The following CSMD1 variants were observed in gnomAD, a reference collection of about 807,000 sequenced individuals.
CSMD1 encodes CUB and Sushi multiple domains 1, also known as CUB and sushi domain-containing protein 1.
A neutral mutation model predicts 417.5 loss-of-function variants in CSMD1; 213 were observed. The observed-to-expected ratio is 0.51, with a 90% CI of 0.46 to 0.57. The LOEUF (loss-of-function observed/expected upper bound fraction) is 0.57, where lower values mean the gene tolerates loss of function less well. Ranked by LOEUF, CSMD1 falls within the 20% of genes least tolerant of loss-of-function variation. CSMD1 has a pLI of 0.00. For missense variants in CSMD1, 6,923 were observed against 4,529.7 expected (o/e 1.53, Z -15.17); for synonymous variants, 2,862 against 1,736.8 (o/e 1.65, Z -16.11).
intron 23 of CSMD1, among the ~76,000 whole-genome samples, chr8:3,341,404 G>A (rs746295125): frequency 9.9e-5 from 15 of 152,146 alleles, no homozygotes; most frequent in Non-Finnish European, 1.9e-4. Context: ...GCATCACCAT[G>A]AGAAAATGAG....
intron 10 of CSMD1, among the ~76,000 whole-genome samples, chr8:3,527,461 A>G (rs969356335): frequency 1.3e-5 from 2 of 152,168 alleles, no homozygotes; most frequent in Non-Finnish European, 2.9e-5. Context: ...TGTGTGGGCG[A>G]GGGTGGGATG....
At position 4,811,691 on chromosome 8, in the gene CSMD1, C is replaced by G. The variant is rs146843610; in HGVS notation, c.86-174133G>C. Reference sequence around the variant, plus strand: ...TGATTTCTATTGGCTCATTGAGTCACAGAAATAAGAAAAAAAATGAATACT... The same window carrying G: ...TGATTTCTATTGGCTCATTGAGTCAGAGAAATAAGAAAAAAAATGAATACT... On this transcript the variant is annotated intron_variant, in intron 1 of 69. Transcript: ENST00000635120. 6.6e-3 allele frequency among the ~76,000 whole-genome samples: 995 copies of G among 151,840 alleles called. 9 individuals are homozygous for G. The highest frequency in any genetic ancestry group is 0.023 in the African/African-American group (960 of 41,376).
chr8:4,386,772 G>T (rs1027584396), intron 3 of CSMD1, among the ~76,000 whole-genome samples: 1 of 152,128 alleles, frequency 6.6e-6, no homozygotes, highest in Non-Finnish European at 1.5e-5. Context: ...GAAACAGTTG[G>T]TTTCAGTTGA....
chr8:4,841,882 G>C (rs956561363), intron 1 of CSMD1, among the ~76,000 whole-genome samples: 3 of 110,920 alleles, frequency 2.7e-5, no homozygotes, highest in African/African-American at 1.1e-4. Context: ...TTGCACTCTA[G>C]CCGGGGCAAC....
intron 3 of CSMD1, among the ~76,000 whole-genome samples, chr8:4,314,620 CA>C (rs1798816819): frequency 1.3e-5 from 2 of 152,084 alleles, no homozygotes; most frequent in Middle Eastern, 3.2e-3. Flanking sequence ...CACACACACA[CA>C]CACACAAAAG....
intron 5 of CSMD1, among the ~76,000 whole-genome samples, chr8:3,955,982 T>G (rs1341186039): frequency 1.3e-5 from 2 of 152,084 alleles, no homozygotes; most frequent in Admixed American, 1.3e-4. Context: ...TTTAGTAGAG[T>G]CAGGGTTTCA....
intron 1 of CSMD1, among the ~76,000 whole-genome samples, chr8:4,870,129 C>G (rs1442075343): frequency 6.6e-6 from 1 of 152,036 alleles, no homozygotes; most frequent in Non-Finnish European, 1.5e-5. Flanking sequence ...TTCAGTTAAT[C>G]TAATTACATA....
At position 4,360,084 on chromosome 8, in the gene CSMD1, A is replaced by G. The variant is rs111891308; in HGVS notation, c.415+59869T>C. 8.8e-3 allele frequency among the ~76,000 whole-genome samples: 1,334 copies of G among 152,176 alleles called. 14 individuals carry two copies. Among genetic ancestry groups the G allele is most frequent in the African/African-American group, 0.031 (1,286 of 41,508 alleles). The stretch of plus-strand genomic sequence containing the variant: ...CTCTGACCGCCTGGGATCTCGGACA[A>G]GTTACTTAACATATCTGTATGTCTG... On this transcript the variant is annotated intron_variant, in intron 3 of 69. Transcript: ENST00000635120.
At chr8:3,590,748 G>A (rs1003511495) in intron 8 of CSMD1, among the ~76,000 whole-genome samples, 13 of 152,170 alleles carry the variant, frequency 8.5e-5, no homozygotes, top group Non-Finnish European at 1.5e-4. Flanking sequence ...CGCCATTCCA[G>A]CAGCACAGCC....
chr8:3,824,892 T>A (rs542452189), intron 5 of CSMD1, among the ~76,000 whole-genome samples: 25 of 152,228 alleles, frequency 1.6e-4, no homozygotes, highest in Non-Finnish European at 3.5e-4. Context: ...AAAATGAGAA[T>A]TGTAAAGATT....
chr8:4,316,684 G>T (rs1363003433), intron 3 of CSMD1, among the ~76,000 whole-genome samples: 1 of 151,992 alleles, frequency 6.6e-6, no homozygotes, highest in Non-Finnish European at 1.5e-5. Flanking sequence ...CAAACTAAGG[G>T]GGGGGCTTCC....
chr8:4,635,959 A>T (rs1802789665), intron 2 of CSMD1, among the ~76,000 whole-genome samples: 1 of 152,076 alleles, frequency 6.6e-6, no homozygotes, highest in Admixed American at 6.6e-5. Flanking sequence ...AAAAAAAACT[A>T]GGTGTTTGAA....
At chr8:4,533,466 G>C (rs748349745) in intron 2 of CSMD1, among the ~76,000 whole-genome samples, 4 of 152,190 alleles carry the variant, frequency 2.6e-5, no homozygotes, top group Non-Finnish European at 5.9e-5. Flanking sequence ...CAGAGGCCTA[G>C]ATCCTCCTAT....
chr8:4,775,979 G>C (rs1425390438), intron 1 of CSMD1, among the ~76,000 whole-genome samples: 3 of 152,104 alleles, frequency 2.0e-5, no homozygotes, highest in Admixed American at 2.0e-4. Context: ...TGAGACGGAG[G>C]GAACAGCAAC....
At chr8:3,421,317 G>A (rs905155808) in intron 12 of CSMD1, among the ~76,000 whole-genome samples, 2 of 152,206 alleles carry the variant, frequency 1.3e-5, no homozygotes, top group Admixed American at 6.5e-5. Context: ...TATAGGACGA[G>A]AAGGACTGCT....
At chr8:3,482,149 A>G (rs1817783326) in intron 11 of CSMD1, among the ~76,000 whole-genome samples, 1 of 152,222 alleles carries the variant, frequency 6.6e-6, no homozygotes, top group Admixed American at 6.5e-5. Flanking sequence ...AAATAAAGAA[A>G]TAATAAAATG....
chr8:4,486,943 T>A (rs1398449388), intron 2 of CSMD1, among the ~76,000 whole-genome samples: 1 of 152,132 alleles, frequency 6.6e-6, no homozygotes, highest in Non-Finnish European at 1.5e-5. Context: ...GGCAGGGTCC[T>A]AAATGGTAGC....
chr8:3,291,284 C>G (rs939282964), intron 25 of CSMD1, among the ~76,000 whole-genome samples: 1 of 152,052 alleles, frequency 6.6e-6, no homozygotes, highest in Non-Finnish European at 1.5e-5. Flanking sequence ...GTCTAAAATT[C>G]TCTTTTTTTG....
intron 3 of CSMD1, among the ~76,000 whole-genome samples, chr8:4,123,836 G>A (rs1434398006): frequency 6.6e-6 from 1 of 152,128 alleles, no homozygotes; most frequent in African/African-American, 2.4e-5. Context: ...GACCTATAGA[G>A]AATGAGAACA....
Sources: gnomAD v4.1 joint callset for allele counts (sites outside exome capture counted in the v4.1 genomes callset) on GRCh38, gnomAD v4.1.1 for gene constraint, MANE v1.5 for transcripts, NCBI Gene and HGNC (gene_info 2026-07-23, HGNC 2026-07-21) for gene names.